The following SVEP1 variants were observed in gnomAD, a reference collection of about 807,000 sequenced individuals.
The protein encoded by SVEP1 is sushi, von Willebrand factor type A, EGF and pentraxin domain-containing protein 1.
A neutral mutation model predicts 367.3 loss-of-function variants in SVEP1; 164 were observed. That is an observed-to-expected ratio of 0.45 (90% CI 0.39 to 0.51). SVEP1 has a LOEUF of 0.51. Ranked by LOEUF, SVEP1 falls within the 20% of genes least tolerant of loss-of-function variation. The pLI is 0.00. For synonymous variants in SVEP1, 1,666 were observed against 1,611.6 expected (o/e 1.03, Z -0.81); for missense variants, 4,117 against 4,425.3 (o/e 0.93, Z 1.98).
intron 8 of SVEP1, among the ~76,000 whole-genome samples, chr9:110,493,512 T>TCACTGGGTC (rs1449583837): frequency 6.6e-6 from 1 of 151,912 alleles, no homozygotes; most frequent in Non-Finnish European, 1.5e-5. Context: ...AGGCAGGAGA[T>TCACTGGGTC]CACTGGGTCA....
intron 40 of SVEP1, among the ~76,000 whole-genome samples, chr9:110,392,658 G>C (rs917372411): frequency 6.6e-6 from 1 of 152,084 alleles, no homozygotes; most frequent in Admixed American, 6.5e-5. Context: ...GGTAGCACTG[G>C]AAAGACAATT....
intron 45 of SVEP1, among the ~76,000 whole-genome samples, chr9:110,375,811 T>A (rs1256012432): frequency 6.6e-6 from 1 of 152,222 alleles, no homozygotes; most frequent in Middle Eastern, 3.2e-3. Flanking sequence ...AAATTTCCAT[T>A]ACAAATTACA....
intron 22 of SVEP1, 105 bp downstream of exon 22, chr9:110,455,485 A>G: frequency 1.3e-6 from 1 of 789,898 alleles, no homozygotes; most frequent in Non-Finnish European, 2.0e-6. Context: ...ATATGTTTAT[A>G]ATATTCTATA....
chr9:110,472,309 C>A lies in SVEP1; in HGVS notation c.2614G>T (p.Gly872Cys). Reference protein sequence around the residue: ...NGFAIGPGGWGAANRLDYSYD... With the variant: ...NGFAIGPGGWCAANRLDYSYD... ...GAGTAATCCAGCCTATTAGCTGCAC[C>A]CCAGCCACCTGGTCCTGGATAGTCG... Residue 872 changes from glycine to cysteine, a missense_variant, in exon 15 of 48, where the codon GGT becomes TGT. This residue lies in a region of SVEP1 where 2,174 missense variants were observed against 2,494.3 expected (regional missense o/e 0.87). Transcript: ENST00000374469. 1 of 1,595,494 alleles carries A rather than the reference C, an allele frequency of 6.3e-7. No individual in the cohort carries two copies. The highest frequency in any genetic ancestry group is 1.8e-5 in the Admixed American group (1 of 54,616).
chr9:110,469,862 G>A (rs1006997544), intron 16 of SVEP1, among the ~76,000 whole-genome samples: 1 of 152,156 alleles, frequency 6.6e-6, no homozygotes, highest in Admixed American at 6.5e-5. Flanking sequence ...ACCGCTCAAC[G>A]TGATTCCTAA....
rs1554709851 is a variant in SVEP1, at chr9:110,379,433, G to A, written c.10322C>T (p.Ser3441Leu). 6.8e-6 allele frequency: 11 copies of A among 1,613,648 alleles called. No homozygotes were observed. The highest frequency in any genetic ancestry group is 7.6e-6 in the Non-Finnish European group (9 of 1,179,790). ...HYQYGDMITY[S>L]CYSGYMLEGF... ...CTCCAACATGTATCCACTGTAACAT[G>A]AGTAGGTGATCATGTCTCCATATTG... The change falls in exon 44 of 48, where the codon TCA becomes TTA. Residue 3441 changes from serine to leucine, a missense_variant. Ser to Leu is a moderately radical substitution (Grantham distance 145, BLOSUM62 -2). Coordinates refer to ENST00000374469, the MANE Select transcript of SVEP1 (RefSeq NM_153366.4).
At chr9:110,567,291 G>A (rs1193700014) in intron 1 of SVEP1, among the ~76,000 whole-genome samples, 2 of 152,178 alleles carry the variant, frequency 1.3e-5, no homozygotes, top group African/African-American at 4.8e-5. Context: ...ATACATCTCT[G>A]TAATTTCCTT....
At chr9:110,425,176 T>G (rs1222962674) in intron 36 of SVEP1, among the ~76,000 whole-genome samples, 1 of 152,178 alleles carries the variant, frequency 6.6e-6, no homozygotes, top group Non-Finnish European at 1.5e-5. Context: ...CAGTTATTTT[T>G]TTTTCCTTTC....
intron 24 of SVEP1, among the ~76,000 whole-genome samples, chr9:110,449,772 T>A (rs1212955907): frequency 1.3e-5 from 2 of 152,232 alleles, no homozygotes; most frequent in South Asian, 4.1e-4. Flanking sequence ...TTATATTTCA[T>A]CTTTTATGAC....
rs200002624 is a variant in SVEP1, at chr9:110,379,468, G to T, written c.10287C>A (p.Gly3429=). ...TCATGTCTCCATATTGATAATGTAC[G>T]CCTCGAGCAATTGCATTTTCTACGT... ...PAHVENAIAR[G]VHYQYGDMIT... is the part of the protein sequence containing the mutation. The change falls in exon 44 of 48, where the codon GGC becomes GGA. Residue 3429 remains glycine, a synonymous_variant. Transcript: ENST00000374469. 3.1e-6 allele frequency: 5 copies of T among 1,613,574 alleles called. No individual in the cohort carries two copies. Among genetic ancestry groups the T allele is most frequent in the Non-Finnish European group, 4.2e-6 (5 of 1,179,774 alleles).
At position 110,534,469 on chromosome 9, in the gene SVEP1, T is replaced by C. The variant is rs186899413; in HGVS notation, c.964+11646A>G. On this transcript the variant is annotated intron_variant, in intron 3 of 47. Coordinates refer to ENST00000374469, the MANE Select transcript of SVEP1 (RefSeq NM_153366.4). ...AACTCCACGTTGTTGTTATTATGAATAGCGCTGCAATAAACATTTGCATGC... is the reference window on the plus strand; with the variant it reads ...AACTCCACGTTGTTGTTATTATGAACAGCGCTGCAATAAACATTTGCATGC... Among the ~76,000 whole-genome samples the C allele has an allele frequency of 2.2e-3, 328 of 152,332 alleles. 3 individuals are homozygous for C. The highest frequency in any genetic ancestry group is 7.4e-3 in the African/African-American group (309 of 41,578).
chr9:110,495,545 C>T (rs982753679), intron 8 of SVEP1, among the ~76,000 whole-genome samples: 1 of 152,104 alleles, frequency 6.6e-6, no homozygotes, highest in Non-Finnish European at 1.5e-5. Flanking sequence ...TTAAAAGCTA[C>T]CTTGATTGTA....
At chr9:110,446,817 G>A in intron 25 of SVEP1, 83 bp downstream of exon 25, 1 of 1,294,496 alleles carries the variant, frequency 7.7e-7, no homozygotes. Flanking sequence ...TACGGACACT[G>A]CTTGGTGCAG....
At position 110,389,532 on chromosome 9, in the gene SVEP1, A is replaced by G; in HGVS notation, c.9878T>C (p.Ile3293Thr). Residue 3293 changes from isoleucine (I) to threonine (T), a missense_variant, in exon 41 of 48, where the codon ATA becomes ACA. By Grantham distance (89) the Ile-to-Thr change is moderately conservative. Coordinates refer to ENST00000374469, the MANE Select transcript of SVEP1 (RefSeq NM_153366.4). ...ENRQWSGGVA[I>T]CKETRCETPL... The stretch of plus-strand genomic sequence containing the variant: ...AGTGTCATTCAACTCACCTTTGCAT[A>G]TTGCCACCCCTCCACTCCACTGTCT... 1 of 1,613,530 alleles carries G rather than the reference A, an allele frequency of 6.2e-7. No homozygotes were observed. The highest frequency in any genetic ancestry group is 8.5e-7 in the Non-Finnish European group (1 of 1,179,728).
At chr9:110,434,116 G>A (rs1195209462) in intron 30 of SVEP1, among the ~76,000 whole-genome samples, 3 of 152,052 alleles carry the variant, frequency 2.0e-5, no homozygotes, top group African/African-American at 4.8e-5. Context: ...TCAGTTCCTT[G>A]CATCACCTTG....
intron 44 of SVEP1, 81 bp from the exon 45 acceptor site, chr9:110,377,447 C>T (rs1452683773): frequency 7.9e-7 from 1 of 1,270,266 alleles, no homozygotes; most frequent in Non-Finnish European, 1.1e-6. Flanking sequence ...CCCTTTATAT[C>T]TCATACTATT....
intron 8 of SVEP1, among the ~76,000 whole-genome samples, chr9:110,494,254 G>T (rs1380511438): frequency 6.6e-6 from 1 of 152,190 alleles, no homozygotes; most frequent in Non-Finnish European, 1.5e-5. Context: ...AGAGAGGCCA[G>T]AGACAGAGAC....
chr9:110,399,475 A>C (rs1185816503), intron 40 of SVEP1, among the ~76,000 whole-genome samples: 1 of 152,076 alleles, frequency 6.6e-6, no homozygotes, highest in African/African-American at 2.4e-5. Flanking sequence ...GTACCCTAAA[A>C]CTTAAAGTAT....
chr9:110,474,496 C>T (rs1829070119), intron 14 of SVEP1, among the ~76,000 whole-genome samples: 1 of 152,084 alleles, frequency 6.6e-6, no homozygotes, highest in Non-Finnish European at 1.5e-5. Flanking sequence ...GTGCCACCTG[C>T]CCATGCTTTT....
Sources: gnomAD v4.1 joint callset for allele counts (sites outside exome capture counted in the v4.1 genomes callset) on GRCh38, gnomAD v4.1.1 for gene constraint, gnomAD v4.1.1 regional missense constraint, MANE v1.5 for transcripts, NCBI Gene and HGNC (gene_info 2026-07-23, HGNC 2026-07-21) for gene names.